LUZP2: variants seen among roughly 807,000 people sequenced by gnomAD.
The protein encoded by LUZP2 is leucine zipper protein 2.
Under a neutral mutation model 51.6 loss-of-function variants are expected in LUZP2, and 52 were observed. The observed-to-expected ratio is 1.01, with a 90% confidence interval of 0.81 to 1.27. The LOEUF is 1.27. LUZP2 is among the 50% of genes most tolerant of loss of function. LUZP2 has a pLI of 0.00. For synonymous variants in LUZP2, 154 were observed against 137.3 expected (o/e 1.12, Z -0.85); for missense variants, 436 against 395.4 (o/e 1.10, Z -0.87).
intron 1 of LUZP2, among the ~76,000 whole-genome samples, chr11:24,548,350 C>A (rs879847807): frequency 5.3e-5 from 8 of 152,004 alleles, no homozygotes; most frequent in Non-Finnish European, 8.8e-5. Flanking sequence ...TACATATATA[C>A]CATGGAATAC....
At chr11:24,776,535 C>A (rs1848931878) in intron 5 of LUZP2, among the ~76,000 whole-genome samples, 2 of 152,166 alleles carry the variant, frequency 1.3e-5, no homozygotes, top group African/African-American at 4.8e-5. Flanking sequence ...TTACTACTCC[C>A]TGCCATCCTC....
chr11:24,772,610 A>ATTTT (rs2134054814), intron 5 of LUZP2, among the ~76,000 whole-genome samples: 1 of 152,290 alleles, frequency 6.6e-6, no homozygotes, highest in African/African-American at 2.4e-5. Context: ...GAAGCTCCCT[A>ATTTT]TAAACTATCC....
intron 1 of LUZP2, among the ~76,000 whole-genome samples, chr11:24,574,211 C>CCTTTCTTTCTTT (rs1169525307): frequency 0.015 from 89 of 6,070 alleles, 1 homozygote; most frequent in African/African-American, 0.017. Flanking sequence ...TTTCTTCCTT[C>CCTTTCTTTCTTT]CTTTCTTTCT....
At chr11:24,815,575 A>G (rs1054472830) in intron 5 of LUZP2, among the ~76,000 whole-genome samples, 1 of 152,174 alleles carries the variant, frequency 6.6e-6, no homozygotes, top group African/African-American at 2.4e-5. Flanking sequence ...GACTGATTCT[A>G]GAAGATACTT....
chr11:24,646,955 G>T (rs1466318333), intron 1 of LUZP2, among the ~76,000 whole-genome samples: 1 of 151,954 alleles, frequency 6.6e-6, no homozygotes, highest in African/African-American at 2.4e-5. Context: ...TGAGGAAGAA[G>T]CACTGTTGAC....
chr11:24,867,736 G>A lies in LUZP2; in HGVS notation c.397-38255G>A, dbSNP rs188247318. ...CAATTTGATGTTTTCATACTCAGAA[G>A]TTGTTTTCACACTTACACTTAGAGG... On this transcript the variant is annotated intron_variant, in intron 5 of 11. Transcript: ENST00000336930. 2.6e-5 allele frequency among the ~76,000 whole-genome samples: 4 copies of A among 152,244 alleles called. No homozygotes were observed. The East Asian group carries it at 7.7e-4, about 29-fold the overall frequency.
chr11:24,913,912 GC>G (rs1853714346), intron 6 of LUZP2, among the ~76,000 whole-genome samples: 1 of 152,066 alleles, frequency 6.6e-6, no homozygotes, highest in African/African-American at 2.4e-5. Context: ...AAAGCAAACT[GC>G]TGAGAAAGAT....
chr11:24,972,771 A>G (rs1377316942), intron 7 of LUZP2, among the ~76,000 whole-genome samples: 1 of 152,104 alleles, frequency 6.6e-6, no homozygotes, highest in Non-Finnish European at 1.5e-5. Context: ...TCCTGGATGT[A>G]AAGCCAACTT....
rs183677508 is a variant in LUZP2, at chr11:24,843,473, G to A, written c.397-62518G>A. On this transcript the variant is annotated intron_variant, in intron 5 of 11. Coordinates refer to ENST00000336930, the MANE Select transcript of LUZP2 (RefSeq NM_001009909.4). The stretch of plus-strand genomic sequence containing the variant: ...TTGTAAAAATTGTAAACAAAATAAT[G>A]TGAGCAAAATCTAGCAACATTTTAA... Among the ~76,000 whole-genome samples the A allele has an allele frequency of 7.9e-5, 12 of 152,190 alleles. No individual in the cohort carries two copies. In the East Asian group the frequency reaches 2.1e-3, roughly 27 times the overall value.
intron 10 of LUZP2, among the ~76,000 whole-genome samples, chr11:25,052,102 T>C (rs1332365862): frequency 1.3e-5 from 2 of 152,158 alleles, no homozygotes; most frequent in Non-Finnish European, 2.9e-5. Context: ...CTGACTTCTG[T>C]CCTCTAGACT....
intron 1 of LUZP2, among the ~76,000 whole-genome samples, chr11:24,700,206 C>T (rs1857383897): frequency 6.6e-6 from 1 of 152,034 alleles, no homozygotes; most frequent in Non-Finnish European, 1.5e-5. Context: ...GGATTACAGG[C>T]ACAAACCACC....
intron 10 of LUZP2, among the ~76,000 whole-genome samples, chr11:25,064,950 A>G (rs1474200619): frequency 1.3e-5 from 2 of 152,090 alleles, no homozygotes; most frequent in Non-Finnish European, 2.9e-5. Context: ...TTAATATGTT[A>G]GCATTTAAAA....
chr11:24,784,194 G>A (rs370132290), intron 5 of LUZP2, among the ~76,000 whole-genome samples: 27 of 151,868 alleles, frequency 1.8e-4, no homozygotes, highest in African/African-American at 6.5e-4. Context: ...TTTAAGAGTT[G>A]AATCCCTTAA....
rs1161156967 is a variant in LUZP2 at position 24,919,644 on chromosome 11, A to T, written c.522+5106A>T. On this transcript the variant is annotated intron_variant, in intron 7 of 11. Transcript: ENST00000336930. ...GTTACTTAACCTTTCACTTATGTGT[A>T]GGTATGTTTATACATGCATACATAT... 4.7e-5 allele frequency among the ~76,000 whole-genome samples: 7 copies of T among 148,560 alleles called. No homozygotes were observed. The Admixed American group carries it at 4.8e-4, about 10-fold the overall frequency.
At chr11:24,892,010 G>C in intron 5 of LUZP2, 1 of 985,596 alleles carries the variant, frequency 1.0e-6, no homozygotes, top group Non-Finnish European at 1.2e-6. Context: ...GGTAGTGCAG[G>C]CTGGCTCTTG....
chr11:24,744,967 C>T (rs1859324326), intron 4 of LUZP2, among the ~76,000 whole-genome samples: 1 of 152,112 alleles, frequency 6.6e-6, no homozygotes, highest in Non-Finnish European at 1.5e-5. Flanking sequence ...ATTCTTGTCC[C>T]AGTGCTCATT....
intron 7 of LUZP2, among the ~76,000 whole-genome samples, chr11:24,973,063 T>TTG (rs901184517): frequency 7.3e-5 from 11 of 150,374 alleles, no homozygotes; most frequent in Middle Eastern, 3.2e-3. Context: ...CCTGGGTTTT[T>TTG]TTTTTTTTTT....
chr11:24,877,359 A>T (rs1852304629), intron 5 of LUZP2, among the ~76,000 whole-genome samples: 1 of 152,170 alleles, frequency 6.6e-6, no homozygotes, highest in South Asian at 2.1e-4. Flanking sequence ...CTATATGCTA[A>T]GGTATGTAGA....
chr11:25,048,740 A>G (rs1427296486), intron 9 of LUZP2, among the ~76,000 whole-genome samples: 2 of 152,134 alleles, frequency 1.3e-5, no homozygotes, highest in Non-Finnish European at 1.5e-5. Context: ...GTGGAAAACA[A>G]TAAATGCCTT....
Sources: gnomAD v4.1 joint callset for allele counts (sites outside exome capture counted in the v4.1 genomes callset) on GRCh38, gnomAD v4.1.1 for gene constraint, MANE v1.5 for transcripts, NCBI Gene and HGNC (gene_info 2026-07-23, HGNC 2026-07-21) for gene names.